Variants in CSNK1G3 observed in about 807,000 individuals in gnomAD.
The protein encoded by CSNK1G3 is casein kinase I isoform gamma-3.
Under a neutral mutation model 64.3 loss-of-function variants are expected in CSNK1G3, and 23 were observed. The observed-to-expected ratio is 0.36, with a 90% CI of 0.26 to 0.51. The LOEUF (loss-of-function observed/expected upper bound fraction) is 0.51, where lower values mean the gene tolerates loss of function less well. Among genes scored for constraint, CSNK1G3 ranks in the 20% least tolerant of loss-of-function variants. CSNK1G3 has a pLI of 0.96. For missense variants in CSNK1G3, 357 were observed against 510.5 expected (o/e 0.70, Z 2.90); for synonymous variants, 158 against 162.2 (o/e 0.97, Z 0.20).
chr5:123,515,783 A>G (rs1026144893), intron 1 of CSNK1G3, among the ~76,000 whole-genome samples: 5 of 152,148 alleles, frequency 3.3e-5, no homozygotes, highest in Admixed American at 1.3e-4. Context: ...AGGACTTATA[A>G]CTGAATTTGT....
intron 1 of CSNK1G3, among the ~76,000 whole-genome samples, chr5:123,539,049 C>T (rs1290219794): frequency 1.3e-5 from 2 of 151,974 alleles, no homozygotes; most frequent in East Asian, 3.9e-4. Flanking sequence ...TGCTTTGTTT[C>T]TCAGCCTGGC....
chr5:123,593,004 A>C (rs1279602314), intron 10 of CSNK1G3, among the ~76,000 whole-genome samples: 2 of 151,892 alleles, frequency 1.3e-5, no homozygotes, highest in Non-Finnish European at 2.9e-5. Flanking sequence ...GAAATTCTCC[A>C]CTTGAGCTGT....
At chr5:123,597,051 CTGA>C (rs1793574863) in intron 10 of CSNK1G3, among the ~76,000 whole-genome samples, 1 of 151,872 alleles carries the variant, frequency 6.6e-6, no homozygotes, top group Admixed American at 6.6e-5. Context: ...AAAATTTGAA[CTGA>C]TATTATAATT....
chr5:123,541,167 A>G (rs558202846), intron 1 of CSNK1G3, among the ~76,000 whole-genome samples: 451 of 152,314 alleles, frequency 3.0e-3, no homozygotes, highest in African/African-American at 0.01. Flanking sequence ...CTATTAAAAA[A>G]TTTGTAACAA....
intron 1 of CSNK1G3, among the ~76,000 whole-genome samples, chr5:123,526,676 T>G (rs1490768489): frequency 2.6e-5 from 4 of 152,216 alleles, no homozygotes; most frequent in African/African-American, 9.7e-5. Context: ...TATATAACCT[T>G]TTGATTCTGG....
chr5:123,573,490 G>C (rs772771554), exon 5 of CSNK1G3: 1 of 1,613,740 alleles, frequency 6.2e-7, no homozygotes, highest in Admixed American at 1.7e-5. Flanking sequence ...TGTTTGACTT[G>C]TGTGACAGAA....
At chr5:123,570,804 G>GA (rs1331278156) in intron 4 of CSNK1G3, among the ~76,000 whole-genome samples, 5 of 152,198 alleles carry the variant, frequency 3.3e-5, no homozygotes, top group Non-Finnish European at 7.3e-5. Context: ...GTTAAATTGA[G>GA]AGGATGTAAA....
intron 1 of CSNK1G3, among the ~76,000 whole-genome samples, chr5:123,516,318 AT>A (rs1777155164): frequency 6.6e-6 from 1 of 152,186 alleles, no homozygotes; most frequent in African/African-American, 2.4e-5. Flanking sequence ...ATGTGCTTTA[AT>A]AATGTGAAAT....
rs191071145 is a variant in CSNK1G3 at position 123,551,827 on chromosome 5, C to T, written c.179-1280C>T. On this transcript the variant is annotated intron_variant, in intron 2 of 12. Transcript: ENST00000345990. Reference sequence around the variant, plus strand: ...AAAAAACTATCATTGTTTTGTTTTCCTCACTATAAAAGTAATACATGCTAA... The same window carrying T: ...AAAAAACTATCATTGTTTTGTTTTCTTCACTATAAAAGTAATACATGCTAA... Among the ~76,000 whole-genome samples the T allele has an allele frequency of 1.2e-4, 19 of 152,132 alleles. No homozygotes were observed. In the East Asian group the frequency reaches 3.3e-3, roughly 26 times the overall value.
intron 12 of CSNK1G3, among the ~76,000 whole-genome samples, chr5:123,613,047 G>A (rs1035205149): frequency 1.3e-5 from 2 of 152,026 alleles, no homozygotes; most frequent in African/African-American, 4.8e-5. Context: ...TAAAAGAAAA[G>A]GTGCCTAACT....
intron 4 of CSNK1G3, among the ~76,000 whole-genome samples, chr5:123,558,424 G>A (rs557470435): frequency 6.6e-6 from 1 of 152,148 alleles, no homozygotes; most frequent in South Asian, 2.1e-4. Flanking sequence ...TCAATTAATT[G>A]TAAGAATTTT....
At chr5:123,560,686 A>G (rs113124296) in intron 4 of CSNK1G3, among the ~76,000 whole-genome samples, 4 of 152,178 alleles carry the variant, frequency 2.6e-5, no homozygotes, top group African/African-American at 7.2e-5. Flanking sequence ...GTACTAAAAA[A>G]AGGAAAATTC....
intron 10 of CSNK1G3, among the ~76,000 whole-genome samples, chr5:123,599,531 A>T (rs948630120): frequency 3.9e-5 from 6 of 152,244 alleles, no homozygotes; most frequent in African/African-American, 1.4e-4. Flanking sequence ...TTGAGATGAT[A>T]ATAAAACGTG....
At chr5:123,541,324 A>G (rs139641080) in intron 1 of CSNK1G3, among the ~76,000 whole-genome samples, 1 of 152,276 alleles carries the variant, frequency 6.6e-6, no homozygotes, top group East Asian at 1.9e-4. Flanking sequence ...TTTGATGTCC[A>G]GTTTGTATAA....
Position 123,536,425 on chromosome 5 carries a change from C to CTTT in CSNK1G3, c.-247-8979_-247-8977dup, listed in dbSNP as rs3064349. On this transcript the variant is annotated intron_variant, in intron 1 of 12. Transcript: ENST00000345990. The stretch of plus-strand genomic sequence containing the variant: ...TTCTAAATTGAAAAAATATGAAGGG[C>CTTT]TTTTTTTTTTTTTTTAAAAAAAAAA... Among the ~76,000 whole-genome samples, 195 of 134,538 alleles carry CTTT rather than the reference C, an allele frequency of 1.4e-3. 2 individuals carry two copies. Among genetic ancestry groups the CTTT allele is most frequent in the African/African-American group, 2.2e-3 (80 of 36,696 alleles). The allele number at this position is 134,538 out of a possible 152,430, so 88.3% of individuals were successfully genotyped here.
At chr5:123,599,122 C>T (rs952164926) in intron 10 of CSNK1G3, among the ~76,000 whole-genome samples, 7 of 152,146 alleles carry the variant, frequency 4.6e-5, no homozygotes, top group African/African-American at 1.2e-4. Context: ...ACAAATCCAT[C>T]GAGCTCAGTG....
intron 5 of CSNK1G3, among the ~76,000 whole-genome samples, chr5:123,575,131 ATAT>A (rs1302753890): frequency 1.3e-5 from 2 of 152,196 alleles, no homozygotes; most frequent in African/African-American, 2.4e-5. Flanking sequence ...AAAATGAGCT[ATAT>A]TATTAATATT....
intron 1 of CSNK1G3, among the ~76,000 whole-genome samples, chr5:123,534,240 A>G (rs1268912037): frequency 6.6e-6 from 1 of 152,070 alleles, no homozygotes; most frequent in Non-Finnish European, 1.5e-5. Flanking sequence ...CTATTTTATA[A>G]TTATTAAAAT....
chr5:123,614,581 T>G (rs1749136629), exon 13 of CSNK1G3: 1 of 491,694 alleles, frequency 2.0e-6, no homozygotes, highest in South Asian at 3.6e-5. Flanking sequence ...TTTCTCTAAT[T>G]TAACCTTTAT....
Sources: gnomAD v4.1 joint callset for allele counts (sites outside exome capture counted in the v4.1 genomes callset) on GRCh38, gnomAD v4.1.1 for gene constraint, MANE v1.5 for transcripts, NCBI Gene and HGNC (gene_info 2026-07-23, HGNC 2026-07-21) for gene names.